SF3B4: variants seen among roughly 807,000 people sequenced by gnomAD.
SF3B4 encodes SAP 49.
SF3B4 carries 3 observed loss-of-function variants against 34.3 expected under a neutral mutation model. The observed-to-expected ratio is 0.09, with a 90% CI of 0.04 to 0.23. SF3B4 has a LOEUF of 0.23. SF3B4 is among the 10% of genes least tolerant of loss of function. The probability of loss-of-function intolerance (pLI) is 1.00; values close to 1 mark genes in which losing one functional copy is unlikely to be tolerated. For missense variants in SF3B4, 283 were observed against 567.2 expected, an observed-to-expected ratio of 0.50 and a Z score of 5.09; for synonymous variants, 216 against 207.8, an observed-to-expected ratio of 1.04 and a Z score of -0.34.
Position 149,926,271 on chromosome 1 carries a change from C to A in SF3B4, c.706+105G>T. The A allele has an allele frequency of 9.7e-7, 1 of 1,033,552 alleles. No homozygotes were observed. Among genetic ancestry groups the A allele is most frequent in the Non-Finnish European group, 1.4e-6 (1 of 709,554 alleles). 64.0% of individuals were successfully genotyped at this position (1,033,552 alleles called of 1,614,324 possible). ...CACCCCTCAGTCCTCTTCCCATCAA[C>A]TCACTGACTCAATGTCCCCTGTCCC... On this transcript the variant is annotated intron_variant, in intron 3 of 5. Coordinates refer to ENST00000271628, the MANE Select transcript of SF3B4 (RefSeq NM_005850.5). The surrounding 1 kb of genome is among the most constrained non-coding windows in gnomAD (Gnocchi z 6.2).
intron 2 of SF3B4, 89 bp from the exon 3 acceptor site, chr1:149,927,007 A>C: frequency 6.8e-7 from 1 of 1,466,480 alleles, no homozygotes. Flanking sequence ...CACAAAGAAC[A>C]AGAAAGAAAC....
rs111523073 is a variant in SF3B4, at chr1:149,925,212, A to G, written c.913+624T>C. 3.2e-3 allele frequency among the ~76,000 whole-genome samples: 493 copies of G among 152,290 alleles called. 4 individuals carry two copies. Among genetic ancestry groups the G allele is most frequent in the African/African-American group, 0.011 (455 of 41,554 alleles). ...AAAAAGAACACTAGAAGAAGAATGGATTTGAAGGAGAGGGATAGAAAAATG... is the reference window on the plus strand; with the variant it reads ...AAAAAGAACACTAGAAGAAGAATGGGTTTGAAGGAGAGGGATAGAAAAATG... On this transcript the variant is annotated intron_variant, in intron 4 of 5. Transcript: ENST00000271628.
In SF3B4 at chr1:149,923,672, G is replaced by A. The variant is rs782731281; in HGVS notation, c.1145C>T (p.Pro382Leu). 1 of 1,527,850 alleles carries A rather than the reference G, an allele frequency of 6.5e-7. No homozygotes were observed. The allele number at this position is 1,527,850 out of a possible 1,614,324, so 94.6% of individuals were successfully genotyped here. A position where few individuals can be genotyped will look rare whatever the true frequency, so the allele number is the denominator to read the frequency against. Residue 382 changes from proline (P) to leucine (L), a missense_variant, in exon 6 of 6, where the codon CCC becomes CTC. Coordinates refer to ENST00000271628, the MANE Select transcript of SF3B4 (RefSeq NM_005850.5). ...TCGTGGAGGGCCAGTGTATCCATGG[G>A]GGGGCATCAGTGGAGGAGGTCCACG... ...GMRGPPPLMPPHGYTGPPRPP... is the reference protein window; with the variant it reads ...GMRGPPPLMPLHGYTGPPRPP...
In SF3B4 at chr1:149,925,683, T is replaced by TA. The variant is rs1213871967; in HGVS notation, c.913+152dup. The TA allele has an allele frequency of 6.9e-6, 5 of 726,044 alleles. No individual in the cohort carries two copies. In the Admixed American group the frequency reaches 8.0e-5, roughly 12 times the overall value. The allele number at this position is 726,044 out of a possible 1,614,324, so 45.0% of individuals were successfully genotyped here. A position where few individuals can be genotyped will look rare whatever the true frequency, so the allele number is the denominator to read the frequency against. On this transcript the variant is annotated intron_variant, in intron 4 of 5. Transcript: ENST00000271628. ...GAAATGGATTCAGGGTGGTAGATGT[T>TA]AGAGAGCATTTTGTATGTTTTTATA... is the stretch of plus-strand genomic sequence containing the variant.
chr1:149,923,796 G>A, intron 5 of SF3B4, 45 bp downstream of exon 5: 1 of 1,538,858 alleles, frequency 6.5e-7, no homozygotes, highest in East Asian at 2.4e-5. Context: ...GAAGCTGTAA[G>A]AACATGATAA....
At chr1:149,925,512 A>G (rs2092584287) in intron 4 of SF3B4, 1 of 321,076 alleles carries the variant, frequency 3.1e-6, no homozygotes, top group Admixed American at 4.6e-5. Flanking sequence ...CAAGTATATC[A>G]GAGGTCAAAC....
At chr1:149,927,353 A>T in intron 1 of SF3B4, 59 bp from the exon 2 acceptor site, 7 of 1,595,780 alleles carry the variant, frequency 4.4e-6, no homozygotes, top group Non-Finnish European at 5.1e-6. Context: ...GAAGGAAGTG[A>T]TGGAAACATG....
intron 4 of SF3B4, among the ~76,000 whole-genome samples, chr1:149,925,339 T>C (rs1014722027): frequency 6.6e-6 from 1 of 151,964 alleles, no homozygotes; most frequent in East Asian, 1.9e-4. Context: ...ATTAAAACTA[T>C]AGATATATGC....
chr1:149,926,323 C>T lies in SF3B4; in HGVS notation c.706+53G>A. On this transcript the variant is annotated intron_variant, in intron 3 of 5. Transcript: ENST00000271628. This position sits in a 1 kb window ranked among gnomAD's most constrained non-coding sequence, Gnocchi z 6.2. ...CTTTCAGACTTGTTTTCTTCTTCCT[C>T]CTGACCCTCTCCCCCAACCTTAAGA... The T allele has an allele frequency of 6.6e-7, 1 of 1,504,038 alleles. No individual in the cohort carries two copies. The highest frequency in any genetic ancestry group is 1.4e-5 in the African/African-American group (1 of 72,024). The allele number at this position is 1,504,038 out of a possible 1,614,324, so 93.2% of individuals were successfully genotyped here. A position where few individuals can be genotyped will look rare whatever the true frequency, so the allele number is the denominator to read the frequency against.
In SF3B4 at chr1:149,926,151, C is replaced by T. The variant is rs1290947532; in HGVS notation, c.707-109G>A. The T allele has an allele frequency of 2.9e-6, 2 of 686,450 alleles. No individual in the cohort carries two copies. Among genetic ancestry groups the T allele is most frequent in the Non-Finnish European group, 2.4e-6 (1 of 411,292 alleles). 42.5% of individuals were successfully genotyped at this position (686,450 alleles called of 1,614,324 possible). On this transcript the variant is annotated intron_variant, in intron 3 of 5. Transcript: ENST00000271628. This position sits in a 1 kb window ranked among gnomAD's most constrained non-coding sequence, Gnocchi z 6.2. ...AGGCAGGGTGAGCTCTTTCCCCCTC[C>T]TCCCAGTGCTCTAAAATCAAAAGCA...
chr1:149,925,939 A>C lies in SF3B4; in HGVS notation c.810T>G (p.Ala270=). 1.9e-6 allele frequency: 3 copies of C among 1,560,316 alleles called. No individual in the cohort carries two copies. The highest frequency in any genetic ancestry group is 2.7e-5 in the African/African-American group (2 of 73,806). The change falls in exon 4 of 6, where the codon GCT becomes GCG. Residue 270 remains alanine (A), a synonymous_variant. Transcript: ENST00000271628. ...CTGCCGATGGGGGGCCATGTCCTGC[A>C]GCCCCAGGAGGCATAGGTGGTGGGG... ...AMPPPPMPPG[A]AGHGPPSAGT...
intron 1 of SF3B4, 106 bp downstream of exon 1, chr1:149,927,620 G>T: frequency 7.0e-7 from 1 of 1,430,504 alleles, no homozygotes. Flanking sequence ...CGCGCCCTCT[G>T]GGGAAGGGAG....
chr1:149,925,269 C>G (rs2092582499), intron 4 of SF3B4, among the ~76,000 whole-genome samples: 1 of 152,060 alleles, frequency 6.6e-6, no homozygotes. Flanking sequence ...CATCAAGGAT[C>G]TGGAATATCA....
intron 4 of SF3B4, among the ~76,000 whole-genome samples, chr1:149,925,217 A>T (rs1395735490): frequency 6.6e-6 from 1 of 152,192 alleles, no homozygotes; most frequent in Non-Finnish European, 1.5e-5. Flanking sequence ...AATGGATTTG[A>T]AGGAGAGGGA....
chr1:149,924,377 C>G (rs1221015391), intron 4 of SF3B4, among the ~76,000 whole-genome samples: 2 of 152,116 alleles, frequency 1.3e-5, no homozygotes, highest in African/African-American at 4.8e-5. Context: ...GTCAAGGCTA[C>G]AGTGAGCCAA....
At position 149,926,960 on chromosome 1, in the gene SF3B4, A is replaced by C; in HGVS notation, c.164-42T>G. The C allele has an allele frequency of 6.5e-7, 1 of 1,544,612 alleles. No homozygotes were observed. Among genetic ancestry groups the C allele is most frequent in the Non-Finnish European group, 8.7e-7 (1 of 1,146,802 alleles). ...GAGGAGGTTAACAACGTAAGTAAAG[A>C]GACTGAAAATGGGGTAAAATTCATC... is the stretch of plus-strand genomic sequence containing the variant. On this transcript the variant is annotated intron_variant, in intron 2 of 5. Transcript: ENST00000271628. This position sits in a 1 kb window ranked among gnomAD's most constrained non-coding sequence, Gnocchi z 6.2.
In SF3B4 at chr1:149,926,514, C is replaced by A. The variant is rs1553766053; in HGVS notation, c.568G>T (p.Ala190Ser). ...TGAGCTGCCAGAAGTCGTTCGGCTGCTGAGCCATGGCGCTCACCCTTGGAG... is the reference window on the plus strand; with the variant it reads ...TGAGCTGCCAGAAGTCGTTCGGCTGATGAGCCATGGCGCTCACCCTTGGAG... ...KDSKGERHGS[A>S]AERLLAAQNP... is the part of the protein sequence containing the mutation. The change falls in exon 3 of 6, where the codon GCA (alanine) becomes TCA (serine). Residue 190 changes from alanine to serine, a missense_variant. Transcript: ENST00000271628. This position sits in a 1 kb window ranked among gnomAD's most constrained non-coding sequence, Gnocchi z 6.2. The A allele has an allele frequency of 6.2e-7, 1 of 1,614,216 alleles. No homozygotes were observed. Among genetic ancestry groups the A allele is most frequent in the Admixed American group, 1.7e-5 (1 of 60,026 alleles).
In SF3B4 at chr1:149,925,831, C is replaced by T. The variant is rs1174873392; in HGVS notation, c.913+5G>A. 15 of 1,612,668 alleles carry T rather than the reference C, an allele frequency of 9.3e-6. No individual in the cohort carries two copies. Among genetic ancestry groups the T allele is most frequent in the Non-Finnish European group, 1.3e-5 (15 of 1,178,628 alleles). On this transcript the variant is annotated splice_donor_5th_base_variant and intron_variant, in intron 4 of 5. Coordinates refer to ENST00000271628, the MANE Select transcript of SF3B4 (RefSeq NM_005850.5). ...TCCCTCCCTTTCCCAACAAAGCACACCTACCTGGATGGGGCATCCCACCCG... is the reference window on the plus strand; with the variant it reads ...TCCCTCCCTTTCCCAACAAAGCACATCTACCTGGATGGGGCATCCCACCCG...
At position 149,923,989 on chromosome 1, in the gene SF3B4, G is replaced by T; in HGVS notation, c.939C>A (p.His313Gln). ...HPGMSQMQLA[H>Q]HGPHGLGHPH... ...GATGTCCTAAGCCATGAGGGCCATG[G>T]TGTGCAAGCTGCATCTGAGACATCC... Residue 313 changes from histidine (H) to glutamine (Q), a missense_variant, in exon 5 of 6, where the codon CAC becomes CAA. Coordinates refer to ENST00000271628, the MANE Select transcript of SF3B4 (RefSeq NM_005850.5). 1 of 1,565,750 alleles carries T rather than the reference G, an allele frequency of 6.4e-7. No homozygotes were observed. Among genetic ancestry groups the T allele is most frequent in the Non-Finnish European group, 8.6e-7 (1 of 1,164,012 alleles).
Sources: gnomAD v4.1 joint callset for allele counts (sites outside exome capture counted in the v4.1 genomes callset) on GRCh38, gnomAD v4.1.1 for gene constraint, Gnocchi (gnomAD v3.1) non-coding constraint, MANE v1.5 for transcripts, NCBI Gene and HGNC (gene_info 2026-07-23, HGNC 2026-07-21) for gene names.